The following ATAD2B variants were observed in gnomAD, a reference collection of about 807,000 sequenced individuals.
ATAD2B encodes ATPase family AAA domain containing 2B.
In ATAD2B, 40 loss-of-function variants were observed where a neutral mutation model predicts 167.6. That is an observed-to-expected ratio of 0.24 (90% CI 0.19 to 0.31). The LOEUF (loss-of-function observed/expected upper bound fraction) is 0.31. Among genes scored for constraint, ATAD2B ranks in the 10% least tolerant of loss-of-function variants. The pLI, the probability that ATAD2B is intolerant of heterozygous loss-of-function variation, is 1.00. For missense variants in ATAD2B, 1,242 were observed against 1,757.2 expected, an observed-to-expected ratio of 0.71 and a Z score of 5.24; for synonymous variants, 579 against 596.5, an observed-to-expected ratio of 0.97 and a Z score of 0.43.
intron 1 of ATAD2B, among the ~76,000 whole-genome samples, chr2:23,897,823 C>T (rs1389388219): frequency 6.6e-6 from 1 of 152,146 alleles, no homozygotes; most frequent in African/African-American, 2.4e-5. Context: ...GCCTTGGTTC[C>T]TCTTAGTCAA....
downstream of ATAD2B, among the ~76,000 whole-genome samples, chr2:23,747,038 G>A (rs1477385020): frequency 6.6e-6 from 1 of 152,010 alleles, no homozygotes; most frequent in African/African-American, 2.4e-5. Flanking sequence ...CACTTGTTAT[G>A]TATTTTATAA....
At chr2:23,731,983 C>A in the ATAD2B span, among the ~76,000 whole-genome samples, 128 of 137,816 alleles carry the variant, frequency 9.3e-4, no homozygotes, top group South Asian at 1.8e-3. Flanking sequence ...TCCTAGGGGG[C>A]AAAAAAAAAA....
intron 22 of ATAD2B, among the ~76,000 whole-genome samples, chr2:23,766,420 C>T (rs1344043112): frequency 6.6e-6 from 1 of 152,148 alleles, no homozygotes; most frequent in Non-Finnish European, 1.5e-5. Flanking sequence ...TTTGCTTTTT[C>T]CTCTCTAGTA....
rs181256628 is a variant in ATAD2B, at chr2:23,859,225, G to T, written c.1480-1722C>A. Among the ~76,000 whole-genome samples the T allele has an allele frequency of 1.4e-4, 21 of 152,044 alleles. No homozygotes were observed. In the East Asian group the frequency reaches 4.1e-3, roughly 29 times the overall value. ...TATATCCATAAAAGTCATTTATATTGCTTTTCCTATGCTGCCCATTACTTC... is the reference window on the plus strand; with the variant it reads ...TATATCCATAAAAGTCATTTATATTTCTTTTCCTATGCTGCCCATTACTTC... On this transcript the variant is annotated intron_variant, in intron 12 of 27. Transcript: ENST00000238789.
intron 15 of ATAD2B, among the ~76,000 whole-genome samples, chr2:23,824,897 T>C (rs191202634): frequency 5.3e-5 from 8 of 152,300 alleles, no homozygotes; most frequent in Middle Eastern, 6.8e-3. Flanking sequence ...CCAATAGTTA[T>C]AGAATATTAG....
At chr2:23,690,710 T>C in the ATAD2B span, 1 of 152,240 alleles carries the variant, frequency 6.6e-6, no homozygotes, top group African/African-American at 2.4e-5. Context: ...GCAGGTGTTT[T>C]TACTCCTGCT....
chr2:23,808,087 A>C (rs1373287573), intron 18 of ATAD2B, among the ~76,000 whole-genome samples: 1 of 134,946 alleles, frequency 7.4e-6, no homozygotes, highest in East Asian at 2.0e-4. Flanking sequence ...GTAATTATAT[A>C]TATAATTATA....
rs1682912994 is a variant in ATAD2B, at chr2:23,798,278, G to T, written c.2500C>A (p.Pro834Thr). Reference protein sequence around the residue: ...RRTVPSIVYMPHIGDWWEAVS... With the variant: ...RRTVPSIVYMTHIGDWWEAVS... ...GCTTCCCACCAATCCCCAATGTGAG[G>T]CATGTAAACAATACTAGGTACTGTT... is the stretch of plus-strand genomic sequence containing the variant. Residue 834 changes from proline (P) to threonine (T), a missense_variant, in exon 19 of 28, where the codon CCT becomes ACT. By Grantham distance (38) the Pro-to-Thr change is conservative (BLOSUM62 -1). Transcript: ENST00000238789. 6.2e-7 allele frequency: 1 copy of T among 1,612,782 alleles called. No homozygotes were observed. Among genetic ancestry groups the T allele is most frequent in the Non-Finnish European group, 8.5e-7 (1 of 1,179,246 alleles).
chr2:23,789,828 GGGCTTAGAAAGATTTAAGTAATT>G (rs2149421862), intron 19 of ATAD2B, among the ~76,000 whole-genome samples: 1 of 152,134 alleles, frequency 6.6e-6, no homozygotes, highest in South Asian at 2.1e-4. Context: ...GGGGAAACTG[GGGCTTAGAAAGATTTAAGTAATT>G]GGCTTAAGGT....
rs181828649 is a variant in ATAD2B at position 23,751,406 on chromosome 2, A to G, written c.*640T>C. 6.6e-6 allele frequency: 1 copy of G among 152,228 alleles called. No individual in the cohort carries two copies. Among genetic ancestry groups the G allele is most frequent in the Non-Finnish European group, 1.5e-5 (1 of 68,000 alleles). The allele number at this position is 152,228 out of a possible 1,614,324, so 9.4% of individuals were successfully genotyped here. ...AACTTATTTTCAAGGTTGTGACCAA[A>G]GAAATATTTCTAATTTATTTGCTTC... is the stretch of plus-strand genomic sequence containing the variant. On this transcript the variant is annotated 3_prime_UTR_variant, in exon 28 of 28. Coordinates refer to ENST00000238789, the MANE Select transcript of ATAD2B (RefSeq NM_017552.4).
intron 12 of ATAD2B, among the ~76,000 whole-genome samples, chr2:23,860,619 T>C (rs559318700): frequency 7.9e-5 from 12 of 152,336 alleles, no homozygotes; most frequent in Non-Finnish European, 1.6e-4. Flanking sequence ...GAGATGAATT[T>C]TCCATTTCTC....
At chr2:23,888,547 T>C (rs1193201240) in intron 2 of ATAD2B, 148 bp from the exon 3 acceptor site, 2 of 571,816 alleles carry the variant, frequency 3.5e-6, no homozygotes, top group Non-Finnish European at 6.1e-6. Flanking sequence ...AATATGTCAA[T>C]TAATAAAATA....
chr2:23,807,719 C>T (rs1010347560), intron 18 of ATAD2B, among the ~76,000 whole-genome samples: 43 of 150,212 alleles, frequency 2.9e-4, no homozygotes, highest in African/African-American at 9.8e-4. Flanking sequence ...GGGAGGCTGA[C>T]GCAGGAGAAT....
chr2:23,867,183 C>A (rs1695262420), intron 10 of ATAD2B, among the ~76,000 whole-genome samples: 1 of 152,140 alleles, frequency 6.6e-6, no homozygotes, highest in African/African-American at 2.4e-5. Context: ...AAATCATCTT[C>A]CTGCCTCAAA....
At chr2:23,843,097 G>C (rs751551490) in intron 13 of ATAD2B, among the ~76,000 whole-genome samples, 2 of 152,070 alleles carry the variant, frequency 1.3e-5, no homozygotes, top group Non-Finnish European at 2.9e-5. Context: ...TTGTAACGAA[G>C]CTCAATTAAA....
the ATAD2B span, among the ~76,000 whole-genome samples, chr2:23,730,185 T>C: frequency 6.6e-6 from 1 of 152,278 alleles, no homozygotes; most frequent in African/African-American, 2.4e-5. Flanking sequence ...AGAATAAATT[T>C]AAATGAATTA....
intron 1 of ATAD2B, among the ~76,000 whole-genome samples, chr2:23,922,113 CA>C (rs1704022768): frequency 6.6e-6 from 1 of 152,092 alleles, no homozygotes; most frequent in Non-Finnish European, 1.5e-5. Context: ...ATTTTGATCT[CA>C]CAAGATGGGG....
intron 13 of ATAD2B, among the ~76,000 whole-genome samples, chr2:23,850,832 T>A (rs1479833741): frequency 6.6e-6 from 1 of 152,222 alleles, no homozygotes; most frequent in Non-Finnish European, 1.5e-5. Flanking sequence ...TGAAACCTAA[T>A]CACCAATGTA....
At chr2:23,912,888 C>T (rs1022535462) in intron 1 of ATAD2B, among the ~76,000 whole-genome samples, 3 of 151,960 alleles carry the variant, frequency 2.0e-5, no homozygotes, top group Admixed American at 6.6e-5. Flanking sequence ...TTCAGCTACT[C>T]GGGAGGCCGA....
Sources: allele counts gnomAD v4.1 joint callset (sites outside exome capture counted in the v4.1 genomes callset), GRCh38; gene constraint gnomAD v4.1.1; transcripts MANE v1.5; gene names NCBI Gene and HGNC (gene_info 2026-07-23, HGNC 2026-07-21).